CSMD3: variants seen among roughly 807,000 people sequenced by gnomAD.
CSMD3 encodes the protein CUB and sushi domain-containing protein 3.
Under a neutral mutation model 435.2 loss-of-function variants are expected in CSMD3, and 177 were observed. That is an observed-to-expected ratio of 0.41 (90% CI 0.36 to 0.46). The LOEUF is 0.46. Ranked by LOEUF, CSMD3 falls within the 20% of genes least tolerant of loss-of-function variation. The pLI is 0.34. For missense variants in CSMD3, 4,265 were observed against 4,504.6 expected, an observed-to-expected ratio of 0.95 and a Z score of 1.52; for synonymous variants, 1,656 against 1,520.5, an observed-to-expected ratio of 1.09 and a Z score of -2.07.
chr8:112,274,529 G>T (rs189369595), intron 59 of CSMD3, among the ~76,000 whole-genome samples: 1 of 152,146 alleles, frequency 6.6e-6, no homozygotes, highest in African/African-American at 2.4e-5. Context: ...TCCTTAAACA[G>T]TCAGCAGATT....
At chr8:112,710,523 A>T (rs2076588321) in intron 13 of CSMD3, among the ~76,000 whole-genome samples, 1 of 152,084 alleles carries the variant, frequency 6.6e-6, no homozygotes, top group Admixed American at 6.6e-5. Flanking sequence ...AGTCACATAT[A>T]GAAATTACAA....
rs759561978 is a variant in CSMD3 at position 112,506,759 on chromosome 8, C to T, written c.4827G>A (p.Pro1609=). 2.3e-5 allele frequency: 37 copies of T among 1,612,978 alleles called. No individual in the cohort carries two copies. The highest frequency in any genetic ancestry group is 4.5e-5 in the East Asian group (2 of 44,850). Residue 1609 remains proline (P), a synonymous_variant, in exon 29 of 71, where the codon CCG becomes CCA. Coordinates refer to ENST00000297405, the MANE Select transcript of CSMD3 (RefSeq NM_198123.2). The stretch of plus-strand genomic sequence containing the variant: ...TAGTCCAGTCACAGTCTCTGCTATG[C>T]GGATATGGATGAGGGAAGTTTGGTG... ...ILSPNFPHPY[P]HSRDCDWTIT...
At chr8:112,872,608 G>A (rs981668334) in intron 10 of CSMD3, among the ~76,000 whole-genome samples, 1 of 151,696 alleles carries the variant, frequency 6.6e-6, no homozygotes, top group Non-Finnish European at 1.5e-5. Context: ...TCTTAGCCAC[G>A]AAAGTCATGT....
intron 50 of CSMD3, among the ~76,000 whole-genome samples, chr8:112,308,881 T>A (rs1398946210): frequency 1.3e-5 from 2 of 151,904 alleles, no homozygotes; most frequent in Non-Finnish European, 2.9e-5. Flanking sequence ...GACTGAAAAA[T>A]GCAAAACAAG....
rs149382479 is a variant in CSMD3 at position 112,527,387 on chromosome 8, A to T, written c.4565-10162T>A. 3.6e-3 allele frequency among the ~76,000 whole-genome samples: 543 copies of T among 152,052 alleles called. 1 individual carries two copies. The highest frequency in any genetic ancestry group is 0.013 in the African/African-American group (521 of 41,566). ...AAAAGGGTCAAAAAAAACCCATAGC[A>T]TCCAAAATGTATGCAGCTCATAACA... On this transcript the variant is annotated intron_variant, in intron 27 of 70. Coordinates refer to ENST00000297405, the MANE Select transcript of CSMD3 (RefSeq NM_198123.2).
intron 32 of CSMD3, among the ~76,000 whole-genome samples, chr8:112,429,060 A>G (rs1813384394): frequency 6.6e-6 from 1 of 152,008 alleles, no homozygotes; most frequent in Non-Finnish European, 1.5e-5. Context: ...ACATTTTACA[A>G]CCACTCTCAG....
intron 2 of CSMD3, among the ~76,000 whole-genome samples, chr8:113,296,338 G>T (rs922021382): frequency 2.7e-5 from 4 of 146,982 alleles, no homozygotes; most frequent in African/African-American, 9.8e-5. Context: ...GGGCAACATG[G>T]TGAAACCACA....
chr8:113,039,681 T>TA (rs1481131194), intron 5 of CSMD3, among the ~76,000 whole-genome samples: 3 of 151,888 alleles, frequency 2.0e-5, no homozygotes, highest in African/African-American at 7.3e-5. Context: ...AGTAAAAACT[T>TA]AAAGAAAGAA....
At chr8:112,397,774 A>T (rs1403569691) in intron 35 of CSMD3, among the ~76,000 whole-genome samples, 1 of 152,204 alleles carries the variant, frequency 6.6e-6, no homozygotes, top group Non-Finnish European at 1.5e-5. Flanking sequence ...GGATTCTAAC[A>T]TATGAATTTG....
rs1186618195 is a variant in CSMD3, at chr8:112,237,313, T to C, written c.10504A>G (p.Lys3502Glu). 3 of 1,612,798 alleles carry C rather than the reference T, an allele frequency of 1.9e-6. No individual in the cohort carries two copies. In the African/African-American group the frequency reaches 4.0e-5, roughly 22 times the overall value. Residue 3502 changes from lysine (K) to glutamate (E), a missense_variant, in exon 67 of 71, where the codon AAA (lysine) becomes GAA (glutamate). This residue lies in a region of CSMD3 where 3,255 missense variants were observed against 3,380.2 expected (regional missense o/e 0.96). Coordinates refer to ENST00000297405, the MANE Select transcript of CSMD3 (RefSeq NM_198123.2). ...DDVFAQNYIW[K>E]GSYNFKGRKQ... Reference sequence around the variant, plus strand: ...CTTCCTTTGAAATTGTAAGAGCCTTTCCATATATAATTTTGGGCAAATACA... The same window carrying C: ...CTTCCTTTGAAATTGTAAGAGCCTTCCCATATATAATTTTGGGCAAATACA...
At chr8:113,292,643 C>A (rs1473278561) in intron 2 of CSMD3, among the ~76,000 whole-genome samples, 1 of 151,692 alleles carries the variant, frequency 6.6e-6, no homozygotes, top group African/African-American at 2.4e-5. Context: ...GTGAATGAGA[C>A]AAAAATGTAA....
rs143305885 is a variant in CSMD3 at position 112,812,255 on chromosome 8, T to C, written c.1860-11981A>G. ...AACATGTATGCTAAGAGGTAAAACATTGGAGTTTAACTGTAACACTTGACT... is the reference window on the plus strand; with the variant it reads ...AACATGTATGCTAAGAGGTAAAACACTGGAGTTTAACTGTAACACTTGACT... On this transcript the variant is annotated intron_variant, in intron 12 of 70. Transcript: ENST00000297405. 2.3e-3 allele frequency among the ~76,000 whole-genome samples: 357 copies of C among 152,208 alleles called. 1 individual carries two copies. The highest frequency in any genetic ancestry group is 8.2e-3 in the African/African-American group (340 of 41,538).
In CSMD3 at chr8:113,315,138, T is replaced by C. The variant is rs192580827; in HGVS notation, c.179-345A>G. Among the ~76,000 whole-genome samples, 4 of 152,342 alleles carry C rather than the reference T, an allele frequency of 2.6e-5. No homozygotes were observed. The East Asian group carries it at 7.7e-4, about 29-fold the overall frequency. ...TTTCTTCAAAGAGTTTTAAATCTCA[T>C]TGTGGGAGCTCATAAACAACACTGA... On this transcript the variant is annotated intron_variant, in intron 1 of 70. Transcript: ENST00000297405.
intron 13 of CSMD3, among the ~76,000 whole-genome samples, chr8:112,765,856 TG>T (rs1249242804): frequency 2.3e-4 from 35 of 151,918 alleles, no homozygotes; most frequent in African/African-American, 8.2e-4. Context: ...GAATATTGCA[TG>T]CTTCACCTGA....
At chr8:113,309,260 A>G (rs1187988964) in intron 2 of CSMD3, 1 of 151,812 alleles carries the variant, frequency 6.6e-6, no homozygotes, top group Non-Finnish European at 1.5e-5. Flanking sequence ...TTGGATTCAG[A>G]GAGTATATGT....
chr8:113,388,783 A>T (rs1198979641), intron 1 of CSMD3, among the ~76,000 whole-genome samples: 1 of 151,610 alleles, frequency 6.6e-6, no homozygotes, highest in East Asian at 1.9e-4. Flanking sequence ...TGCGCTTTTC[A>T]CAATTTTAGC....
chr8:113,263,811 C>T (rs968927495), intron 3 of CSMD3, among the ~76,000 whole-genome samples: 1 of 151,548 alleles, frequency 6.6e-6, no homozygotes, highest in East Asian at 1.9e-4. Context: ...CTATCTTGTC[C>T]TTTGTGATAC....
intron 11 of CSMD3, among the ~76,000 whole-genome samples, chr8:112,834,139 T>G (rs952612464): frequency 2.6e-5 from 4 of 151,920 alleles, no homozygotes; most frequent in Admixed American, 6.6e-5. Flanking sequence ...TATGCAACAA[T>G]GAGAGCTCTA....
intron 3 of CSMD3, among the ~76,000 whole-genome samples, chr8:113,202,388 T>C (rs1471064194): frequency 6.6e-6 from 1 of 152,102 alleles, no homozygotes; most frequent in East Asian, 1.9e-4. Context: ...AGAGCCTCTT[T>C]TAAAAACTGA....
Sources: allele counts gnomAD v4.1 joint callset (sites outside exome capture counted in the v4.1 genomes callset), GRCh38; gene constraint gnomAD v4.1.1; regional missense constraint gnomAD v4.1.1; transcripts MANE v1.5; gene names NCBI Gene and HGNC (gene_info 2026-07-23, HGNC 2026-07-21).